Variants in PIK3C2G observed in about 807,000 individuals in gnomAD.
PIK3C2G encodes the protein phosphatidylinositol-4-phosphate 3-kinase catalytic subunit type 2 gamma.
A neutral mutation model predicts 181.1 loss-of-function variants in PIK3C2G; 168 were observed. That is an observed-to-expected ratio of 0.93 (90% confidence interval 0.82 to 1.05). The LOEUF (loss-of-function observed/expected upper bound fraction) is 1.05, where lower values mean the gene tolerates loss of function less well. PIK3C2G is among the 50% of genes least tolerant of loss of function. PIK3C2G has a pLI of 0.00. For synonymous variants in PIK3C2G, 573 were observed against 592.2 expected (o/e 0.97, Z 0.47); for missense variants, 1,869 against 1,732.8 (o/e 1.08, Z -1.40).
At chr12:18,590,131 T>G (rs1252140039) in intron 29 of PIK3C2G, among the ~76,000 whole-genome samples, 1 of 151,712 alleles carries the variant, frequency 6.6e-6, no homozygotes, top group East Asian at 1.9e-4. Context: ...TTTTTTTTTT[T>G]TCACCTGGGA....
At chr12:18,708,822 T>C in the PIK3C2G span, among the ~76,000 whole-genome samples, 1 of 152,156 alleles carries the variant, frequency 6.6e-6, no homozygotes, top group East Asian at 1.9e-4. Context: ...TTTGGAGAAA[T>C]GCCTATTCAG....
At chr12:18,399,441 TA>T (rs563825281) in intron 15 of PIK3C2G, among the ~76,000 whole-genome samples, 122 of 151,790 alleles carry the variant, frequency 8.0e-4, no homozygotes, top group African/African-American at 1.8e-3. Flanking sequence ...GAATTGATGT[TA>T]TTTTTTTCAA....
At chr12:18,642,784 CACTG>C (rs1295087070) in intron 32 of PIK3C2G, among the ~76,000 whole-genome samples, 2 of 102,892 alleles carry the variant, frequency 1.9e-5, no homozygotes, top group Non-Finnish European at 3.9e-5. Flanking sequence ...TTATAAGTGA[CACTG>C]TGTGTGTGTG....
At chr12:18,279,399 G>A (rs1156563290) in intron 1 of PIK3C2G, among the ~76,000 whole-genome samples, 5 of 151,878 alleles carry the variant, frequency 3.3e-5, no homozygotes, top group South Asian at 2.1e-4. Flanking sequence ...TAACAAGATC[G>A]TCCAGCCTAA....
At chr12:18,491,659 C>T (rs2136066002) in intron 20 of PIK3C2G, 101 bp downstream of exon 20, 2 of 647,032 alleles carry the variant, frequency 3.1e-6, no homozygotes, top group South Asian at 2.2e-5. Flanking sequence ...TAAGTTGACA[C>T]TGCAATTATT....
chr12:18,713,018 T>C, the PIK3C2G span: 3 of 1,612,406 alleles, frequency 1.9e-6, no homozygotes, highest in East Asian at 4.5e-5. Flanking sequence ...AAAATGTTAC[T>C]CCTGGACCAT....
At chr12:18,478,299 G>A (rs1414264564) in intron 18 of PIK3C2G, among the ~76,000 whole-genome samples, 1 of 152,138 alleles carries the variant, frequency 6.6e-6, no homozygotes, top group Non-Finnish European at 1.5e-5. Context: ...TGATGTTAGA[G>A]ACTTCCCATT....
chr12:18,494,382 T>A (rs769054051), intron 20 of PIK3C2G, among the ~76,000 whole-genome samples: 1 of 152,008 alleles, frequency 6.6e-6, no homozygotes, highest in Non-Finnish European at 1.5e-5. Context: ...ATTTTCAACT[T>A]AATATGTGTG....
chr12:18,313,396 C>G (rs534237085), intron 5 of PIK3C2G, among the ~76,000 whole-genome samples: 1 of 151,978 alleles, frequency 6.6e-6, no homozygotes, highest in Non-Finnish European at 1.5e-5. Flanking sequence ...CATTACTATT[C>G]CAACTCTAAA....
intron 18 of PIK3C2G, among the ~76,000 whole-genome samples, chr12:18,459,562 G>A (rs1947808555): frequency 6.6e-6 from 1 of 152,132 alleles, no homozygotes. Flanking sequence ...CATCTTTCCT[G>A]TTAGGAACAA....
At chr12:18,309,166 A>G (rs988760186) in intron 5 of PIK3C2G, among the ~76,000 whole-genome samples, 53 of 151,880 alleles carry the variant, frequency 3.5e-4, no homozygotes, top group African/African-American at 1.2e-3. Flanking sequence ...ACACTAGGCT[A>G]TTTAGAGTCC....
the PIK3C2G span, among the ~76,000 whole-genome samples, chr12:18,723,971 A>G: frequency 1.3e-5 from 2 of 152,118 alleles, no homozygotes; most frequent in South Asian, 4.1e-4. Flanking sequence ...TAGTTATGCA[A>G]TACCTTGAGG....
chr12:18,634,339 C>G (rs1028881525), intron 31 of PIK3C2G, among the ~76,000 whole-genome samples: 1 of 152,138 alleles, frequency 6.6e-6, no homozygotes, highest in Non-Finnish European at 1.5e-5. Flanking sequence ...AAGAAAGAGG[C>G]ACAATGACTA....
chr12:18,547,226 A>G (rs1944479763), intron 26 of PIK3C2G, among the ~76,000 whole-genome samples: 2 of 152,004 alleles, frequency 1.3e-5, no homozygotes, highest in South Asian at 4.1e-4. Context: ...AATCATGATT[A>G]TAATAAAACC....
chr12:18,467,830 C>A (rs1938059884), intron 18 of PIK3C2G, among the ~76,000 whole-genome samples: 1 of 151,868 alleles, frequency 6.6e-6, no homozygotes, highest in Admixed American at 6.6e-5. Flanking sequence ...AACTAGAGCA[C>A]AAGTGGAAAT....
At chr12:18,534,255 C>T (rs1365858894) in intron 24 of PIK3C2G, among the ~76,000 whole-genome samples, 2 of 151,916 alleles carry the variant, frequency 1.3e-5, no homozygotes, top group Non-Finnish European at 2.9e-5. Flanking sequence ...CAGCCTCTTG[C>T]TATTTCTTAC....
At chr12:18,350,282 G>A (rs4288802) in intron 11 of PIK3C2G, among the ~76,000 whole-genome samples, 17,716 of 151,996 alleles carry the variant, frequency 0.12, 1,394 homozygotes, top group Admixed American at 0.25. Context: ...GAGATTATAA[G>A]TAAGTCAGTA....
the PIK3C2G span, among the ~76,000 whole-genome samples, chr12:18,725,345 G>A: frequency 2.0e-5 from 3 of 152,096 alleles, no homozygotes; most frequent in Non-Finnish European, 4.4e-5. Context: ...GCACGTGACA[G>A]CAGCTCAGAC....
intron 18 of PIK3C2G, among the ~76,000 whole-genome samples, chr12:18,447,169 T>C (rs1947074228): frequency 6.6e-6 from 1 of 152,192 alleles, no homozygotes; most frequent in South Asian, 2.1e-4. Context: ...AGATGATCAC[T>C]TTTTACTCAG....
Sources: allele counts gnomAD v4.1 joint callset (sites outside exome capture counted in the v4.1 genomes callset), GRCh38; gene constraint gnomAD v4.1.1; transcripts MANE v1.5; gene names NCBI Gene and HGNC (gene_info 2026-07-23, HGNC 2026-07-21).